Variants in RBFOX1 observed in about 807,000 individuals in gnomAD.
RBFOX1 encodes the protein RNA binding fox-1 homolog 1.
RBFOX1 carries 8 observed loss-of-function variants against 57.7 expected under a neutral mutation model. That is an observed-to-expected ratio of 0.14 (90% confidence interval 0.08 to 0.25). The LOEUF is 0.25. RBFOX1 is among the 10% of genes least tolerant of loss of function. The pLI, the probability that RBFOX1 is intolerant of heterozygous loss-of-function variation, is 1.00. For synonymous variants in RBFOX1, 326 were observed against 222.4 expected, an observed-to-expected ratio of 1.47 and a Z score of -4.15; for missense variants, 611 against 548.5, an observed-to-expected ratio of 1.11 and a Z score of -1.14.
At chr16:6,490,424 C>T (rs932626061) in intron 2 of RBFOX1, among the ~76,000 whole-genome samples, 9 of 152,166 alleles carry the variant, frequency 5.9e-5, no homozygotes, top group African/African-American at 2.2e-4. Context: ...TTGAAAATGT[C>T]TCACATCTCG....
chr16:7,246,949 G>C (rs4483862), intron 4 of RBFOX1, among the ~76,000 whole-genome samples: 101,468 of 151,878 alleles, frequency 0.67, 36,015 homozygotes, highest in African/African-American at 0.92. Context: ...GATGAGAACA[G>C]TGTCTCCCAC....
intron 2 of RBFOX1, among the ~76,000 whole-genome samples, chr16:5,591,628 A>T (rs1354153969): frequency 6.6e-6 from 1 of 152,198 alleles, no homozygotes; most frequent in East Asian, 1.9e-4. Flanking sequence ...AAATGCCTAT[A>T]TTCTTAAAAC....
chr16:7,386,031 C>T (rs1056576941), intron 4 of RBFOX1, among the ~76,000 whole-genome samples: 1 of 151,610 alleles, frequency 6.6e-6, no homozygotes, highest in Admixed American at 6.6e-5. Context: ...CCTCGTGAAC[C>T]ACACGGCTCA....
chr16:6,576,744 G>T (rs764756680), intron 2 of RBFOX1, among the ~76,000 whole-genome samples: 1 of 152,152 alleles, frequency 6.6e-6, no homozygotes, highest in African/African-American at 2.4e-5. Flanking sequence ...TTACTGCAAC[G>T]TTAGGGATTT....
At chr16:6,784,996 T>G (rs2081681648) in intron 3 of RBFOX1, among the ~76,000 whole-genome samples, 1 of 152,126 alleles carries the variant, frequency 6.6e-6, no homozygotes, top group Admixed American at 6.6e-5. Context: ...AACTCATGGT[T>G]GGCATTGACA....
intron 2 of RBFOX1, among the ~76,000 whole-genome samples, chr16:6,591,012 G>A (rs1264964760): frequency 6.6e-6 from 1 of 152,176 alleles, no homozygotes; most frequent in Non-Finnish European, 1.5e-5. Context: ...TCTGAACTTG[G>A]TTTTGGCACT....
chr16:7,249,256 C>T (rs574314402), intron 4 of RBFOX1, among the ~76,000 whole-genome samples: 2 of 152,164 alleles, frequency 1.3e-5, no homozygotes, highest in African/African-American at 4.8e-5. Flanking sequence ...TTTCCCTTCT[C>T]TTCATTGTCT....
chr16:6,450,810 T>C lies in RBFOX1; in HGVS notation c.-64+133753T>C, dbSNP rs1399961592. 2.1e-4 allele frequency among the ~76,000 whole-genome samples: 4 copies of C among 18,820 alleles called. 1 individual carries two copies. The highest frequency in any genetic ancestry group is 1.7e-3 in the Admixed American group (2 of 1,148). 12.3% of individuals were successfully genotyped at this position (18,820 alleles called of 152,430 possible). ...ATATACATATATATATGTATATATA[T>C]ATATATACATATATATATATATATA... On this transcript the variant is annotated intron_variant, in intron 2 of 15. Transcript: ENST00000550418.
chr16:7,369,402 C>T (rs951824925), intron 4 of RBFOX1, among the ~76,000 whole-genome samples: 1 of 152,078 alleles, frequency 6.6e-6, no homozygotes, highest in South Asian at 2.1e-4. Flanking sequence ...CCCTCAAGCC[C>T]TTTCATCTCT....
At chr16:6,848,824 G>T (rs9936001) in intron 3 of RBFOX1, among the ~76,000 whole-genome samples, 1 of 152,080 alleles carries the variant, frequency 6.6e-6, no homozygotes, top group African/African-American at 2.4e-5. Flanking sequence ...GAGCAGGCCA[G>T]TGATTAGTGT....
intron 1 of RBFOX1, among the ~76,000 whole-genome samples, chr16:5,371,940 A>C (rs2065868039): frequency 6.6e-6 from 1 of 152,174 alleles, no homozygotes; most frequent in African/African-American, 2.4e-5. Flanking sequence ...TGAACCCAGC[A>C]GTGAGGCTTT....
In RBFOX1 at chr16:6,948,723, C is replaced by G. The variant is rs183294187; in HGVS notation, c.-15-103334C>G. On this transcript the variant is annotated intron_variant, in intron 3 of 15. Coordinates refer to ENST00000550418, the MANE Select transcript of RBFOX1 (RefSeq NM_018723.4). ...AGAAACTCCCTCCTCCATCATTTGA[C>G]TATGTTTTGAAATGTTCACTACTCC... Among the ~76,000 whole-genome samples the G allele has an allele frequency of 2.8e-3, 424 of 152,182 alleles. 18 individuals are homozygous for G. The highest frequency in any genetic ancestry group is 0.027 in the Admixed American group (419 of 15,280).
At chr16:6,328,985 C>T (rs571001683) in intron 2 of RBFOX1, among the ~76,000 whole-genome samples, 24 of 152,164 alleles carry the variant, frequency 1.6e-4, no homozygotes, top group Non-Finnish European at 3.2e-4. Context: ...CCTAGGAAAT[C>T]AGCAGCTGGT....
intron 3 of RBFOX1, among the ~76,000 whole-genome samples, chr16:6,914,200 CCTCA>C (rs999855545): frequency 5.9e-5 from 9 of 152,134 alleles, no homozygotes; most frequent in African/African-American, 1.9e-4. Context: ...TTCTAAAATA[CCTCA>C]CTGAGTTTAG....
At chr16:7,590,639 CA>C (rs1366991303) in intron 7 of RBFOX1, among the ~76,000 whole-genome samples, 1 of 151,960 alleles carries the variant, frequency 6.6e-6, no homozygotes, top group African/African-American at 2.4e-5. Flanking sequence ...GCAGGCGGAT[CA>C]CCTGAGGTCA....
chr16:7,261,344 C>T (rs2094911668), intron 4 of RBFOX1, among the ~76,000 whole-genome samples: 2 of 152,162 alleles, frequency 1.3e-5, no homozygotes, highest in South Asian at 4.1e-4. Context: ...TCATTATCAT[C>T]ACTACTACTG....
At chr16:5,737,637 A>C (rs531607221) in intron 3 of RBFOX1, among the ~76,000 whole-genome samples, 4 of 148,664 alleles carry the variant, frequency 2.7e-5, no homozygotes, top group African/African-American at 7.5e-5. Context: ...TGTACTTCTC[A>C]CTAAGTTTAG....
chr16:7,544,687 C>A (rs1397108313), intron 5 of RBFOX1, among the ~76,000 whole-genome samples: 2 of 152,184 alleles, frequency 1.3e-5, no homozygotes, highest in South Asian at 2.1e-4. Flanking sequence ...GCCTCTGGAA[C>A]TGTGAGAGAT....
At chr16:6,621,588 A>C (rs1323373897) in intron 2 of RBFOX1, among the ~76,000 whole-genome samples, 2 of 152,210 alleles carry the variant, frequency 1.3e-5, no homozygotes, top group African/African-American at 4.8e-5. Flanking sequence ...ATAAGGTCAC[A>C]TTCTCAGGTA....
Sources: allele counts gnomAD v4.1 joint callset (sites outside exome capture counted in the v4.1 genomes callset), GRCh38; gene constraint gnomAD v4.1.1; transcripts MANE v1.5; gene names NCBI Gene and HGNC (gene_info 2026-07-23, HGNC 2026-07-21).